The following RAD51B variants were observed in gnomAD, a reference collection of about 807,000 sequenced individuals.
The protein encoded by RAD51B is DNA repair protein RAD51 homolog 2.
RAD51B carries 38 observed loss-of-function variants against 42.2 expected under a neutral mutation model. That is an observed-to-expected ratio of 0.90 (90% CI 0.70 to 1.18). The LOEUF (loss-of-function observed/expected upper bound fraction) is 1.18, where lower values mean the gene tolerates loss of function less well. RAD51B is among the 50% of genes most tolerant of loss of function. The pLI is 0.00. For missense variants in RAD51B, 373 were observed against 400.7 expected (o/e 0.93, Z 0.59); for synonymous variants, 154 against 145.2 (o/e 1.06, Z -0.43).
At chr14:67,923,298 CTTTTTT>C (rs34809964) in intron 7 of RAD51B, among the ~76,000 whole-genome samples, 24,449 of 123,578 alleles carry the variant, frequency 0.2, 2,251 homozygotes, top group Middle Eastern at 0.37. Flanking sequence ...TTTTCTTTTT[CTTTTTT>C]TTTTTTTTTT....
intron 7 of RAD51B, among the ~76,000 whole-genome samples, chr14:68,279,422 T>C (rs765666061): frequency 8.5e-5 from 13 of 152,186 alleles, no homozygotes; most frequent in Non-Finnish European, 1.6e-4. Flanking sequence ...GTTTCCAGCT[T>C]CTGTGTCCCT....
At chr14:68,302,640 C>G (rs529054549) in intron 8 of RAD51B, among the ~76,000 whole-genome samples, 1 of 152,310 alleles carries the variant, frequency 6.6e-6, no homozygotes, top group African/African-American at 2.4e-5. Flanking sequence ...GAGCCCCAAA[C>G]AGAGATTTAT....
chr14:68,650,941 C>G, intron 11 of RAD51B: 2 of 644,590 alleles, frequency 3.1e-6, no homozygotes, highest in Non-Finnish European at 5.6e-6. Flanking sequence ...ATAAAGTAGA[C>G]CCAAGAACCT....
At chr14:68,218,462 G>A (rs1258390436) in intron 7 of RAD51B, among the ~76,000 whole-genome samples, 1 of 152,202 alleles carries the variant, frequency 6.6e-6, no homozygotes, top group Non-Finnish European at 1.5e-5. Flanking sequence ...TTGATACTCT[G>A]AGGATGAGCA....
chr14:68,010,524 A>G (rs2075667182), intron 7 of RAD51B, among the ~76,000 whole-genome samples: 1 of 151,798 alleles, frequency 6.6e-6, no homozygotes, highest in Admixed American at 6.6e-5. Context: ...TCTAATACAA[A>G]TATATAAGAT....
chr14:68,065,363 G>A (rs557158997), intron 7 of RAD51B, among the ~76,000 whole-genome samples: 26 of 152,266 alleles, frequency 1.7e-4, no homozygotes, highest in African/African-American at 6.3e-4. Flanking sequence ...TGTGGGGCTG[G>A]TCAGCTGACA....
chr14:68,580,513 T>G (rs1890164731), intron 10 of RAD51B, among the ~76,000 whole-genome samples: 1 of 152,172 alleles, frequency 6.6e-6, no homozygotes, highest in Non-Finnish European at 1.5e-5. Flanking sequence ...GGGAAGTGTT[T>G]GGGACAGTGA....
At chr14:68,615,473 G>T (rs564575470), downstream of RAD51B, among the ~76,000 whole-genome samples, 7 of 152,176 alleles carry the variant, frequency 4.6e-5, no homozygotes, top group Middle Eastern at 0.017. Flanking sequence ...AGCCTCCCGA[G>T]TAGCTGGGAC....
intron 7 of RAD51B, among the ~76,000 whole-genome samples, chr14:68,167,219 C>A (rs189006882): frequency 1.4e-3 from 219 of 152,154 alleles, no homozygotes; most frequent in African/African-American, 5.1e-3. Flanking sequence ...CCTCTTATGA[C>A]CTCTGTTCTA....
At chr14:68,054,187 C>T (rs2076437502) in intron 7 of RAD51B, among the ~76,000 whole-genome samples, 2 of 152,082 alleles carry the variant, frequency 1.3e-5, no homozygotes, top group South Asian at 4.1e-4. Flanking sequence ...CCAGTTGTTC[C>T]AGTAATGGCC....
At chr14:68,652,204 C>T (rs1460192405) in intron 11 of RAD51B, among the ~76,000 whole-genome samples, 3 of 152,218 alleles carry the variant, frequency 2.0e-5, no homozygotes, top group African/African-American at 4.8e-5. Flanking sequence ...CAAGTCATGG[C>T]GATCTAAATA....
At chr14:68,352,640 G>T (rs2082814200) in intron 8 of RAD51B, among the ~76,000 whole-genome samples, 1 of 152,204 alleles carries the variant, frequency 6.6e-6, no homozygotes, top group Non-Finnish European at 1.5e-5. Context: ...CATAGGCCTG[G>T]ACTCTTCCCC....
chr14:68,609,024 G>A (rs547958303), intron 10 of RAD51B, among the ~76,000 whole-genome samples: 26 of 152,268 alleles, frequency 1.7e-4, no homozygotes, highest in Non-Finnish European at 3.4e-4. Flanking sequence ...CTTGGCTGCT[G>A]ATGTCCACTC....
chr14:67,875,956 T>C (rs1407015978), intron 5 of RAD51B, among the ~76,000 whole-genome samples: 1 of 152,200 alleles, frequency 6.6e-6, no homozygotes, highest in East Asian at 1.9e-4. Context: ...AATTCCCTCT[T>C]AATCATTTTT....
At chr14:67,857,330 T>C (rs1367138924) in intron 4 of RAD51B, among the ~76,000 whole-genome samples, 1 of 152,196 alleles carries the variant, frequency 6.6e-6, no homozygotes, top group African/African-American at 2.4e-5. Context: ...TAATCCAAAC[T>C]CAACAAACAA....
At chr14:68,149,713 C>A (rs1254518040) in intron 7 of RAD51B, 2 of 152,190 alleles carry the variant, frequency 1.3e-5, no homozygotes, top group East Asian at 3.9e-4. Context: ...TTGGAGTGCT[C>A]CAGTTCCAAT....
intron 7 of RAD51B, among the ~76,000 whole-genome samples, chr14:68,285,653 A>T (rs12323732): frequency 0.011 from 1,668 of 152,266 alleles, 30 homozygotes; most frequent in African/African-American, 0.037. Flanking sequence ...GATGTGTGTT[A>T]GATTGTGGCA....
At chr14:68,607,408 C>T (rs1891491306) in intron 10 of RAD51B, among the ~76,000 whole-genome samples, 1 of 152,170 alleles carries the variant, frequency 6.6e-6, no homozygotes, top group Non-Finnish European at 1.5e-5. Context: ...CCTTCTTTCT[C>T]CTTTCACAAG....
intron 7 of RAD51B, among the ~76,000 whole-genome samples, chr14:68,099,724 T>C (rs1038789779): frequency 6.6e-6 from 1 of 152,206 alleles, no homozygotes; most frequent in Non-Finnish European, 1.5e-5. Context: ...ACAGGTGGAA[T>C]GACAACCCAA....
Sources: allele counts gnomAD v4.1 joint callset (sites outside exome capture counted in the v4.1 genomes callset), GRCh38; gene constraint gnomAD v4.1.1; transcripts MANE v1.5; gene names NCBI Gene and HGNC (gene_info 2026-07-23, HGNC 2026-07-21).